The following RGL1 variants were observed in gnomAD, a reference collection of about 807,000 sequenced individuals.
The protein encoded by RGL1 is ral guanine nucleotide dissociation stimulator-like 1.
Under a neutral mutation model 95.2 loss-of-function variants are expected in RGL1, and 24 were observed. That is an observed-to-expected ratio of 0.25 (90% CI 0.18 to 0.35). RGL1 has a LOEUF of 0.35. Ranked by LOEUF, RGL1 falls within the 10% of genes least tolerant of loss-of-function variation. The probability of loss-of-function intolerance (pLI) is 1.00; values close to 1 mark genes in which losing one functional copy is unlikely to be tolerated. For synonymous variants in RGL1, 329 were observed against 344.9 expected, an observed-to-expected ratio of 0.95 and a Z score of 0.51; for missense variants, 715 against 936.3, an observed-to-expected ratio of 0.76 and a Z score of 3.08.
intron 3 of RGL1, among the ~76,000 whole-genome samples, chr1:183,854,494 G>A (rs950618682): frequency 1.3e-5 from 2 of 152,220 alleles, no homozygotes; most frequent in African/African-American, 4.8e-5. Flanking sequence ...CCAGCAAAAC[G>A]GAGCTGCCTT....
At chr1:183,826,944 A>G (rs1260870817) in intron 2 of RGL1, among the ~76,000 whole-genome samples, 1 of 151,372 alleles carries the variant, frequency 6.6e-6, no homozygotes, top group Non-Finnish European at 1.5e-5. Flanking sequence ...CTTTTTCGAG[A>G]CAGAGTGTCA....
chr1:183,876,146 C>T (rs1666484511), intron 4 of RGL1, among the ~76,000 whole-genome samples: 1 of 152,166 alleles, frequency 6.6e-6, no homozygotes, highest in Non-Finnish European at 1.5e-5. Flanking sequence ...TTCCCTGGGA[C>T]CCTGGACTTC....
At chr1:183,662,846 A>G (rs1651743771) in intron 1 of RGL1, among the ~76,000 whole-genome samples, 1 of 152,192 alleles carries the variant, frequency 6.6e-6, no homozygotes, top group Non-Finnish European at 1.5e-5. Context: ...ACAGCATGGT[A>G]CTGGTACCAA....
intron 1 of RGL1, among the ~76,000 whole-genome samples, chr1:183,680,574 C>T (rs1337014226): frequency 1.3e-5 from 2 of 152,168 alleles, no homozygotes; most frequent in African/African-American, 4.8e-5. Flanking sequence ...GTTTTGGTTA[C>T]TATAGCCTTG....
At chr1:183,668,935 C>CT (rs551008973) in intron 1 of RGL1, among the ~76,000 whole-genome samples, 31,897 of 115,280 alleles carry the variant, frequency 0.28, 6,493 homozygotes, top group Non-Finnish European at 0.36. Context: ...ATTGGACTTT[C>CT]TTTTCTTTTT....
At chr1:183,891,296 G>A (rs1471301636) in intron 8 of RGL1, among the ~76,000 whole-genome samples, 3 of 152,118 alleles carry the variant, frequency 2.0e-5, no homozygotes, top group Non-Finnish European at 2.9e-5. Context: ...CCTGGAGGGT[G>A]TGTAGAGAAA....
intron 1 of RGL1, among the ~76,000 whole-genome samples, chr1:183,737,604 T>C (rs947246249): frequency 2.0e-5 from 3 of 151,646 alleles, no homozygotes; most frequent in Non-Finnish European, 4.4e-5. Flanking sequence ...AAAAAATCTT[T>C]CCATGGCTTT....
At chr1:183,761,742 A>G (rs1352746417) in intron 2 of RGL1, among the ~76,000 whole-genome samples, 1 of 152,226 alleles carries the variant, frequency 6.6e-6, no homozygotes, top group Non-Finnish European at 1.5e-5. Context: ...ATCTTCTTCC[A>G]ATATAAGACT....
intron 9 of RGL1, among the ~76,000 whole-genome samples, chr1:183,895,802 C>T (rs1052256397): frequency 6.6e-6 from 1 of 152,118 alleles, no homozygotes; most frequent in Non-Finnish European, 1.5e-5. Context: ...AGGGACTCGT[C>T]GGTCTTTTTA....
chr1:183,772,457 GACATTTTTT>G (rs1206642080), intron 2 of RGL1, among the ~76,000 whole-genome samples: 1 of 152,160 alleles, frequency 6.6e-6, no homozygotes, highest in Non-Finnish European at 1.5e-5. Flanking sequence ...AGAAAGAAAT[GACATTTTTT>G]AAATTTTTCC....
intron 2 of RGL1, among the ~76,000 whole-genome samples, chr1:183,772,129 GCACTTATTCTC>G (rs1164123123): frequency 1.3e-5 from 2 of 152,192 alleles, no homozygotes; most frequent in African/African-American, 4.8e-5. Flanking sequence ...ATAAAACTTT[GCACTTATTCTC>G]CAAGCCCACG....
intron 1 of RGL1, among the ~76,000 whole-genome samples, chr1:183,714,654 T>G (rs990403552): frequency 2.0e-4 from 31 of 152,218 alleles, no homozygotes; most frequent in African/African-American, 7.0e-4. Flanking sequence ...TTATGCCCTC[T>G]GACTGACAGT....
At chr1:183,640,669 G>A (rs554414015) in intron 1 of RGL1, among the ~76,000 whole-genome samples, 1 of 151,984 alleles carries the variant, frequency 6.6e-6, no homozygotes, top group South Asian at 2.1e-4. Context: ...TCTTAGCACT[G>A]GTGTCTTTTA....
chr1:183,740,783 T>G (rs1414987004), intron 1 of RGL1, among the ~76,000 whole-genome samples: 2 of 152,212 alleles, frequency 1.3e-5, no homozygotes, highest in Non-Finnish European at 2.9e-5. Context: ...ATATAAGATC[T>G]GCTGCCTCCT....
At chr1:183,891,327 G>A (rs1393714279) in intron 8 of RGL1, among the ~76,000 whole-genome samples, 1 of 152,122 alleles carries the variant, frequency 6.6e-6, no homozygotes, top group Non-Finnish European at 1.5e-5. Context: ...TCACAGAGAT[G>A]TAGTGTCCTG....
At chr1:183,767,133 T>C (rs563429388) in intron 2 of RGL1, among the ~76,000 whole-genome samples, 2 of 150,296 alleles carry the variant, frequency 1.3e-5, no homozygotes, top group East Asian at 2.0e-4. Flanking sequence ...AGTGGGAAGA[T>C]AGCTTGAGCC....
rs1001992666 is a variant in RGL1, at chr1:183,733,286, G to A, written c.-32-8840G>A. Among the ~76,000 whole-genome samples the A allele has an allele frequency of 3.3e-5, 5 of 152,240 alleles. No homozygotes were observed. In the South Asian group the frequency reaches 1.0e-3, roughly 32 times the overall value. On this transcript the variant is annotated intron_variant, in intron 1 of 18. Coordinates refer to the RGL1 transcript ENST00000304685. The stretch of plus-strand genomic sequence containing the variant: ...TAAAAATGTCACTATGTTATGTCAA[G>A]CTCAAGTCTTTGGGAGGGTTTTTCA...
intron 2 of RGL1, among the ~76,000 whole-genome samples, chr1:183,816,383 T>A (rs1040714211): frequency 1.3e-5 from 2 of 152,196 alleles, no homozygotes; most frequent in Non-Finnish European, 2.9e-5. Context: ...TCTTGCACCA[T>A]CAGTTTCAAG....
chr1:183,867,052 G>A (rs1007317708), intron 4 of RGL1, among the ~76,000 whole-genome samples: 8 of 152,210 alleles, frequency 5.3e-5, no homozygotes, highest in African/African-American at 1.9e-4. Context: ...AAATAAGGAA[G>A]ATCGAGGGAG....
Sources: allele counts gnomAD v4.1 joint callset (sites outside exome capture counted in the v4.1 genomes callset), GRCh38; gene constraint gnomAD v4.1.1; transcripts MANE v1.5; gene names NCBI Gene and HGNC (gene_info 2026-07-23, HGNC 2026-07-21).